Variants in ALK observed in about 807,000 individuals in gnomAD.
ALK encodes the protein ALK tyrosine kinase receptor.
Under a neutral mutation model 163.1 loss-of-function variants are expected in ALK, and 74 were observed. The observed-to-expected ratio is 0.45, with a 90% CI of 0.38 to 0.55. The LOEUF (loss-of-function observed/expected upper bound fraction) is 0.55, where lower values mean the gene tolerates loss of function less well. Among genes scored for constraint, ALK ranks in the 20% least tolerant of loss-of-function variants. ALK has a pLI of 0.00. For synonymous variants in ALK, 960 were observed against 843.2 expected (o/e 1.14, Z -2.40); for missense variants, 2,063 against 2,105.3 (o/e 0.98, Z 0.39).
chr2:29,677,278 C>T (rs13014554), intron 3 of ALK, among the ~76,000 whole-genome samples: 1 of 130,504 alleles, frequency 7.7e-6, no homozygotes, highest in African/African-American at 3.0e-5. Flanking sequence ...CCCCTCCCAT[C>T]CCCTCCCCTT....
chr2:29,624,281 A>C (rs1245366847), intron 3 of ALK, among the ~76,000 whole-genome samples: 2 of 152,220 alleles, frequency 1.3e-5, no homozygotes, highest in African/African-American at 2.4e-5. Context: ...GGGACCTTTA[A>C]GTTTTTACCA....
At chr2:29,431,671 C>G (rs1670276296) in intron 4 of ALK, among the ~76,000 whole-genome samples, 1 of 152,126 alleles carries the variant, frequency 6.6e-6, no homozygotes, top group Admixed American at 6.5e-5. Flanking sequence ...GTAGGTCTGT[C>G]TATAACCTCA....
intron 1 of ALK, among the ~76,000 whole-genome samples, chr2:29,871,341 C>T (rs984111350): frequency 5.9e-5 from 9 of 152,160 alleles, no homozygotes; most frequent in Admixed American, 6.5e-5. Flanking sequence ...TGCACTGACC[C>T]CTGGAATCCT....
chr2:29,514,377 A>G (rs1023173473), intron 4 of ALK, among the ~76,000 whole-genome samples: 1 of 151,470 alleles, frequency 6.6e-6, no homozygotes, highest in Non-Finnish European at 1.5e-5. Flanking sequence ...GGAAATCATC[A>G]TTCTCAGTAA....
At chr2:29,258,124 G>A (rs181518297) in intron 11 of ALK, among the ~76,000 whole-genome samples, 5 of 152,224 alleles carry the variant, frequency 3.3e-5, no homozygotes, top group Admixed American at 6.5e-5. Flanking sequence ...AAGCCATCAC[G>A]CCTGGCCTCC....
intron 1 of ALK, among the ~76,000 whole-genome samples, chr2:29,882,334 CA>C (rs1237318773): frequency 1.3e-5 from 2 of 152,134 alleles, no homozygotes; most frequent in Non-Finnish European, 2.9e-5. Flanking sequence ...AACTATGAAG[CA>C]AAACATAATG....
At chr2:29,347,043 T>C (rs182090286) in intron 5 of ALK, among the ~76,000 whole-genome samples, 1 of 152,328 alleles carries the variant, frequency 6.6e-6, no homozygotes, top group Admixed American at 6.5e-5. Flanking sequence ...AGATCTTTAT[T>C]TGCATAGCAC....
intron 3 of ALK, among the ~76,000 whole-genome samples, chr2:29,687,464 C>T (rs573154029): frequency 5.9e-5 from 9 of 151,830 alleles, no homozygotes; most frequent in Non-Finnish European, 1.0e-4. Flanking sequence ...AAATAGTTAA[C>T]GTTTTTCCCC....
chr2:29,714,191 C>T (rs1486638147), intron 2 of ALK, among the ~76,000 whole-genome samples: 2 of 152,120 alleles, frequency 1.3e-5, no homozygotes, highest in Non-Finnish European at 2.9e-5. Flanking sequence ...CTTTAGACGT[C>T]CTCCCTCTCA....
At chr2:29,401,727 G>A (rs1669450627) in intron 4 of ALK, among the ~76,000 whole-genome samples, 1 of 152,180 alleles carries the variant, frequency 6.6e-6, no homozygotes. Context: ...ATAATAAGGA[G>A]GTGACATGGG....
intron 1 of ALK, among the ~76,000 whole-genome samples, chr2:29,916,597 CA>C (rs1667841262): frequency 6.6e-6 from 1 of 152,202 alleles, no homozygotes; most frequent in Non-Finnish European, 1.5e-5. Context: ...TATGGGAGTT[CA>C]AAGGTCAGAT....
At chr2:29,422,391 G>T (rs1670035714) in intron 4 of ALK, among the ~76,000 whole-genome samples, 1 of 151,312 alleles carries the variant, frequency 6.6e-6, no homozygotes, top group Non-Finnish European at 1.5e-5. Context: ...TACTCACTCA[G>T]ATGAAACCTC....
chr2:29,917,207 C>T (rs528336866), intron 1 of ALK, among the ~76,000 whole-genome samples: 14 of 152,274 alleles, frequency 9.2e-5, no homozygotes, highest in Non-Finnish European at 2.1e-4. Flanking sequence ...AGGCCCCTCA[C>T]CACAAAACAT....
chr2:29,857,233 T>C (rs963257021), intron 1 of ALK, among the ~76,000 whole-genome samples: 9 of 152,142 alleles, frequency 5.9e-5, no homozygotes, highest in Non-Finnish European at 1.2e-4. Flanking sequence ...CCTACAAGAC[T>C]ATGTGAATGG....
intron 5 of ALK, among the ~76,000 whole-genome samples, chr2:29,358,519 A>G (rs1668308152): frequency 6.6e-6 from 1 of 152,204 alleles, no homozygotes; most frequent in South Asian, 2.1e-4. Flanking sequence ...AAAGTTTCCC[A>G]GCATGTGGCC....
chr2:29,762,470 G>T (rs959268277), intron 1 of ALK, among the ~76,000 whole-genome samples: 1 of 152,244 alleles, frequency 6.6e-6, no homozygotes, highest in East Asian at 1.9e-4. Flanking sequence ...CAGTCTCCCC[G>T]TGAGTATATA....
intron 3 of ALK, among the ~76,000 whole-genome samples, chr2:29,548,547 C>CTCT (rs144332808): frequency 0.97 from 147,285 of 151,746 alleles, 71,655 homozygotes; most frequent in East Asian, 1. Context: ...CCTGTCTCCG[C>CTCT]TCTTCTTGTG....
intron 4 of ALK, 79 bp from the exon 5 acceptor site, chr2:29,383,938 T>G: frequency 6.3e-7 from 1 of 1,588,064 alleles, no homozygotes. Flanking sequence ...GACAGGGTCA[T>G]GTCCTTGCAG....
At chr2:29,865,551 T>G (rs1666412335) in intron 1 of ALK, among the ~76,000 whole-genome samples, 1 of 152,160 alleles carries the variant, frequency 6.6e-6, no homozygotes, top group East Asian at 1.9e-4. Context: ...TCTCCTTCTC[T>G]CTCTCCCAAC....
Sources: allele counts gnomAD v4.1 joint callset (sites outside exome capture counted in the v4.1 genomes callset), GRCh38; gene constraint gnomAD v4.1.1; transcripts MANE v1.5; gene names NCBI Gene and HGNC (gene_info 2026-07-23, HGNC 2026-07-21).